CSTPP1: variants seen among roughly 807,000 people sequenced by gnomAD.
The protein encoded by CSTPP1 is centriolar satellite-associated tubulin polyglutamylase complex regulator 1, also known as UPF0705 protein C11orf49.
chr11:46,959,052 G>A, the CSTPP1 span, among the ~76,000 whole-genome samples: 9 of 152,130 alleles, frequency 5.9e-5, no homozygotes, highest in African/African-American at 2.2e-4. Flanking sequence ...GCCCAATCAA[G>A]TTGACATAAA....
the CSTPP1 span, among the ~76,000 whole-genome samples, chr11:47,040,130 T>A: frequency 7.8e-6 from 1 of 128,062 alleles, no homozygotes; most frequent in African/African-American, 2.5e-5. Context: ...ATTAGACTAA[T>A]CAGCAAGTGC....
At chr11:47,028,881 A>C in the CSTPP1 span, among the ~76,000 whole-genome samples, 1 of 151,988 alleles carries the variant, frequency 6.6e-6, no homozygotes, top group South Asian at 2.1e-4. Context: ...TGTGTCATCC[A>C]GGCTGGAGTG....
the CSTPP1 span, among the ~76,000 whole-genome samples, chr11:47,100,984 G>A: frequency 2.7e-4 from 41 of 150,058 alleles, 1 homozygote; most frequent in Admixed American, 2.0e-3. Context: ...TAAATAAGTC[G>A]TATTTTATTC....
the CSTPP1 span, among the ~76,000 whole-genome samples, chr11:47,097,471 T>C: frequency 7.6e-4 from 17 of 22,416 alleles, no homozygotes; most frequent in East Asian, 1.7e-3. Flanking sequence ...TCGGCCCCCC[T>C]GCCCGGCCAG....
At chr11:47,022,822 C>T in the CSTPP1 span, among the ~76,000 whole-genome samples, 3 of 152,168 alleles carry the variant, frequency 2.0e-5, no homozygotes, top group Non-Finnish European at 4.4e-5. Context: ...CCGAATGTGC[C>T]AAGCATTTTA....
At chr11:47,111,899 T>C in the CSTPP1 span, among the ~76,000 whole-genome samples, 14 of 152,236 alleles carry the variant, frequency 9.2e-5, no homozygotes, top group Non-Finnish European at 1.6e-4. Context: ...TTAATGTGAA[T>C]ATTTCATTTA....
the CSTPP1 span, among the ~76,000 whole-genome samples, chr11:47,141,983 G>C: frequency 7.0e-6 from 1 of 143,836 alleles, no homozygotes; most frequent in Non-Finnish European, 1.5e-5. Context: ...AGTGGCTTAC[G>C]CCTGTAATCC....
At chr11:46,985,993 C>T in the CSTPP1 span, among the ~76,000 whole-genome samples, 2 of 152,198 alleles carry the variant, frequency 1.3e-5, no homozygotes, top group Non-Finnish European at 2.9e-5. Context: ...TTAAAAATTA[C>T]TGGGCTGTAG....
the CSTPP1 span, among the ~76,000 whole-genome samples, chr11:47,062,127 G>A: frequency 6.6e-6 from 1 of 151,948 alleles, no homozygotes; most frequent in Non-Finnish European, 1.5e-5. Context: ...TAATTTTTCA[G>A]ATTATCCTCT....
chr11:46,974,857 A>AACACACACACAC, the CSTPP1 span, among the ~76,000 whole-genome samples: 1 of 144,132 alleles, frequency 6.9e-6, no homozygotes, highest in East Asian at 2.1e-4. Flanking sequence ...TCTATCTCAA[A>AACACACACACAC]ACACACACAC....
At chr11:47,066,035 TATC>T in the CSTPP1 span, among the ~76,000 whole-genome samples, 1 of 151,148 alleles carries the variant, frequency 6.6e-6, no homozygotes, top group African/African-American at 2.4e-5. Context: ...TATAAGATCA[TATC>T]ATCTGTGAAC....
At chr11:47,001,989 T>C in the CSTPP1 span, among the ~76,000 whole-genome samples, 1 of 152,148 alleles carries the variant, frequency 6.6e-6, no homozygotes, top group Non-Finnish European at 1.5e-5. Flanking sequence ...TTATTTACGT[T>C]AAATTGAGCC....
the CSTPP1 span, among the ~76,000 whole-genome samples, chr11:46,974,539 A>AAG: frequency 3.3e-5 from 5 of 149,624 alleles, no homozygotes; most frequent in African/African-American, 7.4e-5. Context: ...AAAAAAAAAA[A>AAG]AAAGAAAGAA....
At chr11:47,117,921 C>G in the CSTPP1 span, among the ~76,000 whole-genome samples, 1 of 144,830 alleles carries the variant, frequency 6.9e-6, no homozygotes, top group Non-Finnish European at 1.5e-5. Flanking sequence ...ACTGTGTCGC[C>G]CAGGCTAGAG....
chr11:47,092,179 A>T, the CSTPP1 span, among the ~76,000 whole-genome samples: 24 of 152,238 alleles, frequency 1.6e-4, no homozygotes, highest in African/African-American at 4.6e-4. Flanking sequence ...GATAAAGTCT[A>T]AAAAAGAGGT....
the CSTPP1 span, among the ~76,000 whole-genome samples, chr11:47,106,135 C>T: frequency 6.6e-6 from 1 of 152,146 alleles, no homozygotes; most frequent in African/African-American, 2.4e-5. Flanking sequence ...AGGTCAGTGA[C>T]CATGGAACAC....
the CSTPP1 span, among the ~76,000 whole-genome samples, chr11:47,152,848 G>A: frequency 6.6e-6 from 1 of 152,124 alleles, no homozygotes; most frequent in Non-Finnish European, 1.5e-5. Context: ...TTCCTGCTTG[G>A]GGATATTCAC....
the CSTPP1 span, among the ~76,000 whole-genome samples, chr11:47,045,417 TA>T: frequency 6.6e-6 from 1 of 152,360 alleles, no homozygotes; most frequent in Non-Finnish European, 1.5e-5. Flanking sequence ...GTTCATGGGC[TA>T]ATTTTGGTCT....
the CSTPP1 span, among the ~76,000 whole-genome samples, chr11:47,073,092 C>T: frequency 2.0e-5 from 3 of 152,008 alleles, no homozygotes; most frequent in African/African-American, 7.2e-5. Context: ...TTTATATTGT[C>T]TGAGTTTTTA....
Sources: gnomAD v4.1 joint callset for allele counts (sites outside exome capture counted in the v4.1 genomes callset) on GRCh38, gnomAD v4.1.1 for gene constraint, MANE v1.5 for transcripts, NCBI Gene and HGNC (gene_info 2026-07-23, HGNC 2026-07-21) for gene names.